Variants in TRIM36 observed in about 807,000 individuals in gnomAD.
TRIM36 encodes tripartite motif containing 36.
In TRIM36, 42 loss-of-function variants were observed where a neutral mutation model predicts 72.4. That is an observed-to-expected ratio of 0.58 (90% CI 0.45 to 0.75). TRIM36 has a LOEUF of 0.75. TRIM36 is among the 30% of genes least tolerant of loss of function. The pLI, the probability that TRIM36 is intolerant of heterozygous loss-of-function variation, is 0.00. For missense variants in TRIM36, 913 were observed against 857.1 expected (o/e 1.07, Z -0.81); for synonymous variants, 315 against 282.8 (o/e 1.11, Z -1.14).
At chr5:115,146,236 T>G (rs1416664639) in intron 3 of TRIM36, among the ~76,000 whole-genome samples, 7 of 152,224 alleles carry the variant, frequency 4.6e-5, no homozygotes, top group Non-Finnish European at 8.8e-5. Context: ...TGCCTTAATC[T>G]ACCAATCCTT....
intron 1 of TRIM36, chr5:115,169,017 A>G (rs1754940765): frequency 6.6e-6 from 1 of 152,286 alleles, no homozygotes; most frequent in African/African-American, 2.4e-5. Context: ...AAACTGATTA[A>G]GTGTGATGTG....
At chr5:115,148,592 G>A (rs1354321421) in intron 2 of TRIM36, among the ~76,000 whole-genome samples, 1 of 151,778 alleles carries the variant, frequency 6.6e-6, no homozygotes, top group South Asian at 2.1e-4. Context: ...TATATTTTTA[G>A]TAGAGATGGG....
intron 1 of TRIM36, among the ~76,000 whole-genome samples, chr5:115,168,103 G>A (rs1402312839): frequency 6.6e-6 from 1 of 152,140 alleles, no homozygotes; most frequent in Non-Finnish European, 1.5e-5. Context: ...CCTCCCACCA[G>A]GTCTCTCCCT....
At position 115,133,761 on chromosome 5, in the gene TRIM36, G is replaced by A. The variant is rs138236921; in HGVS notation, c.1498+99C>T. On this transcript the variant is annotated intron_variant, in intron 8 of 9. Coordinates refer to ENST00000513154, the MANE Select transcript of TRIM36 (RefSeq NM_001300759.2). ...TGGAGTCTTTTAAAAACAAGAGCTG[G>A]TTTCAGTGCAGGTCTACATGGAGAT... 3,859 of 1,213,620 alleles carry A rather than the reference G, an allele frequency of 3.2e-3. 14 individuals are homozygous for A. Among genetic ancestry groups the A allele is most frequent in the Non-Finnish European group, 3.4e-3 (3,081 of 907,200 alleles). 75.2% of individuals were successfully genotyped at this position (1,213,620 alleles called of 1,614,324 possible).
Position 115,130,692 on chromosome 5 carries a change from A to C in TRIM36, c.1696T>G (p.Phe566Val), listed in dbSNP as rs778239471. ...GITKGKHFWA[F>V]RVEPYSYLVK... ...AGGTATGAATATGGTTCCACACGGA[A>C]GGCCCAGAAGTGTTTTCCTTTTGTA... Residue 566 changes from phenylalanine (F) to valine (V), a missense_variant, in exon 9 of 10, where the codon TTC becomes GTC. By Grantham distance (50) the Phe-to-Val change is conservative (BLOSUM62 -1). Transcript: ENST00000513154. 6.2e-7 allele frequency: 1 copy of C among 1,614,196 alleles called. No homozygotes were observed. Among genetic ancestry groups the C allele is most frequent in the Non-Finnish European group, 8.5e-7 (1 of 1,180,026 alleles).
intron 7 of TRIM36, among the ~76,000 whole-genome samples, chr5:115,135,630 T>TC (rs960355858): frequency 2.0e-5 from 3 of 152,120 alleles, no homozygotes; most frequent in Admixed American, 6.5e-5. Flanking sequence ...ACCTTACCTT[T>TC]CCAGCAACCA....
intron 1 of TRIM36, chr5:115,177,547 C>T: frequency 7.2e-7 from 1 of 1,389,060 alleles, no homozygotes; most frequent in South Asian, 1.7e-5. Flanking sequence ...TCTGCTATTC[C>T]ATGGTTAATA....
chr5:115,145,956 AT>A (rs1355967521), intron 3 of TRIM36, among the ~76,000 whole-genome samples: 1 of 152,180 alleles, frequency 6.6e-6, no homozygotes, highest in Non-Finnish European at 1.5e-5. Context: ...CCGTTTTAGA[AT>A]TTTACTATAT....
upstream of TRIM36, among the ~76,000 whole-genome samples, chr5:115,170,914 G>C (rs1325931572): frequency 1.3e-5 from 2 of 152,372 alleles, no homozygotes; most frequent in East Asian, 3.9e-4. Context: ...CATTTCACCT[G>C]CCACGGCCCA....
intron 1 of TRIM36, among the ~76,000 whole-genome samples, chr5:115,167,910 T>C (rs1754878876): frequency 6.6e-6 from 1 of 152,206 alleles, no homozygotes; most frequent in Non-Finnish European, 1.5e-5. Context: ...CTCACAGTTC[T>C]GCATGGCTGG....
At chr5:115,159,660 C>G (rs1399230439) in intron 2 of TRIM36, 1 of 454,594 alleles carries the variant, frequency 2.2e-6, no homozygotes, top group Non-Finnish European at 4.4e-6. Context: ...CCACAGATCT[C>G]CGTTGTGATG....
intron 1 of TRIM36, among the ~76,000 whole-genome samples, chr5:115,178,977 G>A (rs1372418023): frequency 1.3e-5 from 2 of 152,166 alleles, no homozygotes; most frequent in Non-Finnish European, 2.9e-5. Flanking sequence ...AGGGTTTCAG[G>A]TGCTCACATC....
intron 2 of TRIM36, chr5:115,153,562 G>C (rs954470289): frequency 6.6e-6 from 1 of 152,380 alleles, no homozygotes; most frequent in African/African-American, 2.4e-5. Flanking sequence ...CTGGAGTGCA[G>C]TGGCATGATC....
rs1285109342 is a variant in TRIM36 at position 115,169,747 on chromosome 5, G to T, written c.-113C>A. 2.1e-6 allele frequency: 3 copies of T among 1,431,364 alleles called. No homozygotes were observed. In the African/African-American group the frequency reaches 4.3e-5, roughly 21 times the overall value. The allele number at this position is 1,431,364 out of a possible 1,614,324, so 88.7% of individuals were successfully genotyped here. A position where few individuals can be genotyped will look rare whatever the true frequency, so the allele number is the denominator to read the frequency against. ...GCCGTGGAGCCTCGGTCCGAAGCTG[G>T]AAGATGAGCTGGTCAGCTGTACGTG... On this transcript the variant is annotated 5_prime_UTR_variant, in exon 1 of 10. Transcript: ENST00000513154.
chr5:115,155,752 A>G (rs1227586213), intron 2 of TRIM36, among the ~76,000 whole-genome samples: 1 of 152,180 alleles, frequency 6.6e-6, no homozygotes, highest in Non-Finnish European at 1.5e-5. Flanking sequence ...TGATAACTGG[A>G]ACAAGACAAG....
At chr5:115,154,508 C>A (rs1561437992) in intron 2 of TRIM36, among the ~76,000 whole-genome samples, 1 of 152,118 alleles carries the variant, frequency 6.6e-6, no homozygotes, top group African/African-American at 2.4e-5. Context: ...GGAGATACTA[C>A]AACTGACACC....
At position 115,126,048 on chromosome 5, in the gene TRIM36, T is replaced by C. The variant is rs1752345260; in HGVS notation, c.*455A>G. ...ACTTTGTTTTCCTATTGAAAACAAA[T>C]GCAAGACACATTGCTTAGTACTAAT... On this transcript the variant is annotated 3_prime_UTR_variant, in exon 10 of 10. Transcript: ENST00000513154. 6.5e-6 allele frequency: 1 copy of C among 154,118 alleles called. No homozygotes were observed. Among genetic ancestry groups the C allele is most frequent in the Non-Finnish European group, 1.4e-5 (1 of 69,386 alleles). 9.5% of individuals were successfully genotyped at this position (154,118 alleles called of 1,614,324 possible).
intron 1 of TRIM36, among the ~76,000 whole-genome samples, chr5:115,167,820 C>G (rs904774464): frequency 2.6e-4 from 40 of 152,168 alleles, no homozygotes; most frequent in African/African-American, 8.9e-4. Context: ...GGTACCAATT[C>G]TCTGTGTTAG....
Position 115,169,621 on chromosome 5 carries a change from C to T in TRIM36, c.14G>A (p.Gly5Asp), listed in dbSNP as rs1754985724. Residue 5 changes from glycine to aspartate, a missense_variant, in exon 1 of 10, where the codon GGC (glycine) becomes GAC (aspartate). Coordinates refer to ENST00000513154, the MANE Select transcript of TRIM36 (RefSeq NM_001300759.2). The stretch of plus-strand genomic sequence containing the variant: ...CTCCGCACTCACCGGCGAATCTGAG[C>T]CATCGCCCTCCATGGCTGCCTTCTG... MEGD[G>D]SDSPVTIKNI... The T allele has an allele frequency of 6.6e-7, 1 of 1,524,334 alleles. No homozygotes were observed. Among genetic ancestry groups the T allele is most frequent in the Admixed American group, 2.1e-5 (1 of 48,742 alleles). The allele number at this position is 1,524,334 out of a possible 1,614,324, so 94.4% of individuals were successfully genotyped here. A position where few individuals can be genotyped will look rare whatever the true frequency, so the allele number is the denominator to read the frequency against.
Sources: gnomAD v4.1 joint callset for allele counts (sites outside exome capture counted in the v4.1 genomes callset) on GRCh38, gnomAD v4.1.1 for gene constraint, MANE v1.5 for transcripts, NCBI Gene and HGNC (gene_info 2026-07-23, HGNC 2026-07-21) for gene names.